The following PRUNE2 variants were observed in gnomAD, a reference collection of about 807,000 sequenced individuals.
The protein encoded by PRUNE2 is protein prune homolog 2.
Under a neutral mutation model 252.0 loss-of-function variants are expected in PRUNE2, and 164 were observed. That is an observed-to-expected ratio of 0.65 (90% CI 0.57 to 0.74). The LOEUF (loss-of-function observed/expected upper bound fraction) is 0.74. Ranked by LOEUF, PRUNE2 falls within the 30% of genes least tolerant of loss-of-function variation. The pLI is 0.00. For missense variants in PRUNE2, 3,495 were observed against 3,711.0 expected, an observed-to-expected ratio of 0.94 and a Z score of 1.51; for synonymous variants, 1,292 against 1,350.2, an observed-to-expected ratio of 0.96 and a Z score of 0.94.
chr9:76,863,882 G>T (rs2060689381), intron 1 of PRUNE2, among the ~76,000 whole-genome samples: 1 of 152,134 alleles, frequency 6.6e-6, no homozygotes. Context: ...AAAGCAGCTT[G>T]GAGATTTCTC....
chr9:76,804,271 C>T (rs980338597), intron 6 of PRUNE2, among the ~76,000 whole-genome samples: 7 of 152,208 alleles, frequency 4.6e-5, no homozygotes, highest in South Asian at 2.1e-4. Flanking sequence ...CTCTCTTTGG[C>T]GGGCTTTCCA....
At chr9:76,686,529 C>T (rs1222673083) in intron 9 of PRUNE2, among the ~76,000 whole-genome samples, 4 of 152,140 alleles carry the variant, frequency 2.6e-5, no homozygotes, top group Non-Finnish European at 5.9e-5. Context: ...GAACACGGCT[C>T]ACTGCAGCCG....
In PRUNE2 at chr9:76,708,441, G is replaced by C. The variant is rs370953115; in HGVS notation, c.3833C>G (p.Ala1278Gly). The C allele has an allele frequency of 8.1e-6, 13 of 1,613,752 alleles. No homozygotes were observed. The highest frequency in any genetic ancestry group is 8.0e-5 in the African/African-American group (6 of 74,860). ...PAASGTSESE[A>G]LISHLDKQDT... ...CTGCTTGTCAAGATGAGATATAAGTGCCTCTGATTCACTGGTTCCAGAGGC... is the reference window on the plus strand; with the variant it reads ...CTGCTTGTCAAGATGAGATATAAGTCCCTCTGATTCACTGGTTCCAGAGGC... Residue 1278 changes from alanine (A) to glycine (G), a missense_variant, in exon 8 of 19, where the codon GCA becomes GGA. By Grantham distance (60) the Ala-to-Gly change is moderately conservative. Transcript: ENST00000376718.
chr9:76,654,172 A>G (rs963133478), intron 10 of PRUNE2, among the ~76,000 whole-genome samples: 3 of 152,194 alleles, frequency 2.0e-5, no homozygotes, highest in African/African-American at 7.2e-5. Flanking sequence ...TCAGTGTGAG[A>G]GCAGAGTAGG....
At chr9:76,691,685 A>G (rs1211383096) in intron 9 of PRUNE2, among the ~76,000 whole-genome samples, 1 of 152,156 alleles carries the variant, frequency 6.6e-6, no homozygotes, top group Non-Finnish European at 1.5e-5. Flanking sequence ...CCAAAGAGAC[A>G]TTATATTTCT....
intron 9 of PRUNE2, among the ~76,000 whole-genome samples, chr9:76,690,263 A>G (rs2044568322): frequency 6.6e-6 from 1 of 152,230 alleles, no homozygotes; most frequent in Admixed American, 6.5e-5. Flanking sequence ...TAAGGAATTG[A>G]GAAACCATCC....
intron 18 of PRUNE2, among the ~76,000 whole-genome samples, chr9:76,617,266 G>C (rs1830145711): frequency 6.6e-6 from 1 of 152,154 alleles, no homozygotes; most frequent in African/African-American, 2.4e-5. Flanking sequence ...CTGTCTCTGA[G>C]GAAAATGAGA....
chr9:76,627,896 C>T, intron 16 of PRUNE2: 2 of 416,864 alleles, frequency 4.8e-6, no homozygotes, highest in Non-Finnish European at 9.6e-6. Context: ...CACTGCTATG[C>T]TTGGCATATC....
rs766860595 is a variant in PRUNE2 at position 76,644,414 on chromosome 9, C to T, written c.8728+325G>A. On this transcript the variant is annotated intron_variant, in intron 12 of 18. Coordinates refer to ENST00000376718, the MANE Select transcript of PRUNE2 (RefSeq NM_015225.3). ...TGTCACATACTCTGTTCAGTTCAAC[C>T]GTACAATGGACTGATAAGAATGCCA... is the stretch of plus-strand genomic sequence containing the variant. 53 of 384,502 alleles carry T rather than the reference C, an allele frequency of 1.4e-4. 1 individual carries two copies. The Admixed American group carries it at 1.5e-3, about 11-fold the overall frequency. 23.8% of individuals were successfully genotyped at this position (384,502 alleles called of 1,614,324 possible). A position where few individuals can be genotyped will look rare whatever the true frequency, so the allele number is the denominator to read the frequency against.
chr9:76,706,547 G>T lies in PRUNE2; in HGVS notation c.5727C>A (p.Asn1909Lys). 1 of 1,613,972 alleles carries T rather than the reference G, an allele frequency of 6.2e-7. No homozygotes were observed. The highest frequency in any genetic ancestry group is 8.5e-7 in the Non-Finnish European group (1 of 1,179,872). ...CTGGGTCTGGCTGCCTTGGTTGAAT[G>T]TTCCAGAGTTGCTCATGGGAGTTCT... is the stretch of plus-strand genomic sequence containing the variant. Reference protein sequence around the residue: ...NGKNSHEQLWNIQPRQPDPDA... With the variant: ...NGKNSHEQLWKIQPRQPDPDA... The change falls in exon 8 of 19, where the codon AAC becomes AAA. Residue 1909 changes from asparagine (N) to lysine (K), a missense_variant. Physicochemically the swap from Asn to Lys is moderately conservative, Grantham distance 94. Coordinates refer to ENST00000376718, the MANE Select transcript of PRUNE2 (RefSeq NM_015225.3).
In PRUNE2 at chr9:76,860,341, C is replaced by G. The variant is rs933768229; in HGVS notation, c.37-6133G>C. On this transcript the variant is annotated intron_variant, in intron 1 of 18. Transcript: ENST00000376718. ...TCTATTCCTTAGCAAAGTTCAAGCCCTTCCCGTAACTCTAACCTTGTGAAT... is the reference window on the plus strand; with the variant it reads ...TCTATTCCTTAGCAAAGTTCAAGCCGTTCCCGTAACTCTAACCTTGTGAAT... Among the ~76,000 whole-genome samples the G allele has an allele frequency of 8.5e-5, 13 of 152,194 alleles. No homozygotes were observed. The South Asian group carries it at 1.7e-3, about 19-fold the overall frequency.
At chr9:76,662,321 C>G (rs1255085738) in intron 9 of PRUNE2, among the ~76,000 whole-genome samples, 1 of 152,126 alleles carries the variant, frequency 6.6e-6, no homozygotes, top group Non-Finnish European at 1.5e-5. Context: ...GAATGAAGCC[C>G]ACGTATATTC....
At chr9:76,849,860 C>A (rs924212147) in intron 3 of PRUNE2, among the ~76,000 whole-genome samples, 23 of 142,630 alleles carry the variant, frequency 1.6e-4, no homozygotes, top group African/African-American at 4.6e-4. Context: ...AAACAAAAAA[C>A]CCCCTATAAT....
intron 6 of PRUNE2, among the ~76,000 whole-genome samples, chr9:76,797,300 AAC>A (rs2056182674): frequency 6.6e-6 from 1 of 152,178 alleles, no homozygotes; most frequent in African/African-American, 2.4e-5. Context: ...ACAGAAAAAG[AAC>A]TGAAAAGGGA....
intron 9 of PRUNE2, among the ~76,000 whole-genome samples, chr9:76,702,748 C>CA (rs2045993955): frequency 6.6e-6 from 1 of 152,190 alleles, no homozygotes; most frequent in South Asian, 2.1e-4. Flanking sequence ...TAGGTGCTTA[C>CA]ATAAAACCAG....
chr9:76,683,517 T>C (rs1360020613), intron 9 of PRUNE2, among the ~76,000 whole-genome samples: 1 of 152,194 alleles, frequency 6.6e-6, no homozygotes, highest in Non-Finnish European at 1.5e-5. Flanking sequence ...TGAGTTTTTG[T>C]CACCCATCAC....
intron 4 of PRUNE2, 48 bp downstream of exon 4, chr9:76,846,467 A>T: frequency 6.6e-7 from 1 of 1,519,766 alleles, no homozygotes; most frequent in Non-Finnish European, 9.0e-7. Context: ...AGGCTGGGAG[A>T]CACTCCATTA....
chr9:76,861,573 C>A (rs1430137859), intron 1 of PRUNE2, among the ~76,000 whole-genome samples: 2 of 152,160 alleles, frequency 1.3e-5, no homozygotes, highest in Admixed American at 1.3e-4. Flanking sequence ...CCCGGTCAGG[C>A]TTCTTGAAGC....
At chr9:76,660,275 T>C (rs1243296938) in intron 9 of PRUNE2, among the ~76,000 whole-genome samples, 1 of 152,036 alleles carries the variant, frequency 6.6e-6, no homozygotes, top group East Asian at 1.9e-4. Context: ...TCAGGAACTT[T>C]CCCCTTAACA....
Sources: gnomAD v4.1 joint callset for allele counts (sites outside exome capture counted in the v4.1 genomes callset) on GRCh38, gnomAD v4.1.1 for gene constraint, MANE v1.5 for transcripts, NCBI Gene and HGNC (gene_info 2026-07-23, HGNC 2026-07-21) for gene names.